The following ZNF239 variants were observed in gnomAD, a reference collection of about 807,000 sequenced individuals.
The protein encoded by ZNF239 is zinc finger protein (C2H2) homologous to mouse MOK-2.
A neutral mutation model predicts 27.5 loss-of-function variants in ZNF239; 16 were observed. That is an observed-to-expected ratio of 0.58 (90% CI 0.39 to 0.88). The LOEUF is 0.88. ZNF239 is among the 40% of genes least tolerant of loss of function. The pLI is 0.00. For missense variants in ZNF239, 527 were observed against 551.9 expected (o/e 0.95, Z 0.45); for synonymous variants, 199 against 192.6 (o/e 1.03, Z -0.27).
intron 2 of ZNF239, chr10:43,568,532 A>G (rs898202227): frequency 2.2e-6 from 2 of 893,024 alleles, no homozygotes; most frequent in Non-Finnish European, 2.7e-6. Context: ...ATCACTTCCT[A>G]TGCTTTCTGT....
intron 3 of ZNF239, among the ~76,000 whole-genome samples, chr10:43,559,401 G>T (rs1435009941): frequency 6.6e-6 from 1 of 152,158 alleles, no homozygotes; most frequent in Non-Finnish European, 1.5e-5. Flanking sequence ...ATCATGTGAT[G>T]ATAAACTAAA....
chr10:43,571,153 A>C (rs1838008572), intron 2 of ZNF239, among the ~76,000 whole-genome samples: 1 of 151,808 alleles, frequency 6.6e-6, no homozygotes, highest in Non-Finnish European at 1.5e-5. Flanking sequence ...GAGGAAGGTC[A>C]CAAGTTCAAT....
chr10:43,559,728 C>A (rs1267632005), intron 3 of ZNF239, among the ~76,000 whole-genome samples: 3 of 151,530 alleles, frequency 2.0e-5, no homozygotes, highest in Admixed American at 1.3e-4. Flanking sequence ...GAGTGAATAG[C>A]CTAATATTAC....
At chr10:43,570,059 A>G (rs925093172) in intron 2 of ZNF239, 46 of 493,112 alleles carry the variant, frequency 9.3e-5, no homozygotes, top group Non-Finnish European at 8.7e-5. Context: ...GAATATATAA[A>G]AAGTCATAAA....
intron 2 of ZNF239, chr10:43,570,383 T>C (rs1390077769): frequency 2.0e-6 from 2 of 985,280 alleles, no homozygotes; most frequent in East Asian, 1.1e-4. Context: ...TAGCAAGGCA[T>C]GACCCATGGC....
Position 43,557,322 on chromosome 10 carries a change from T to C in ZNF239, c.758A>G (p.His253Arg), listed in dbSNP as rs751648972. Residue 253 changes from histidine (H) to arginine (R), a missense_variant, in exon 4 of 4, where the codon CAT (histidine) becomes CGT (arginine). His to Arg is a conservative substitution (Grantham distance 29). Coordinates refer to ENST00000374446, the MANE Select transcript of ZNF239 (RefSeq NM_001099282.2). ...GFTRSSSLLIHQAVHTDEKPY... is the reference protein window; with the variant it reads ...GFTRSSSLLIRQAVHTDEKPY... ...CTTCTCATCTGTGTGGACTGCCTGA[T>C]GGATAAGCAGACTCGAGCTCCTTGT... The C allele has an allele frequency of 4.3e-6, 7 of 1,614,090 alleles. No individual in the cohort carries two copies. The African/African-American group carries it at 8.0e-5, about 18-fold the overall frequency.
chr10:43,573,820 G>T, intron 1 of ZNF239, 143 bp from the exon 2 acceptor site: 1 of 175,376 alleles, frequency 5.7e-6, no homozygotes, highest in Non-Finnish European at 1.1e-5. Flanking sequence ...GAGAGGTGAA[G>T]CATTTTCTGT....
chr10:43,561,135 G>C (rs1200332755), intron 3 of ZNF239, among the ~76,000 whole-genome samples: 2 of 152,046 alleles, frequency 1.3e-5, no homozygotes, highest in Admixed American at 6.6e-5. Flanking sequence ...CAAATAGAAA[G>C]ATAAAAGTAA....
chr10:43,557,684 T>G lies in ZNF239; in HGVS notation c.396A>C (p.Leu132Phe), dbSNP rs1260312133. The change falls in exon 4 of 4, where the codon TTA (leucine) becomes TTC (phenylalanine). Residue 132 changes from leucine to phenylalanine, a missense_variant. Leu to Phe is a conservative substitution (Grantham distance 22, BLOSUM62 0). Coordinates refer to ENST00000374446, the MANE Select transcript of ZNF239 (RefSeq NM_001099282.2). ...CATTCTGGCAAGTTGCCTCACCATTTAACAATGGCGAGGCCAGTTCTTGTC... is the reference window on the plus strand; with the variant it reads ...CATTCTGGCAAGTTGCCTCACCATTGAACAATGGCGAGGCCAGTTCTTGTC... The part of the protein sequence containing the change: ...SDGQELASPL[L>F]NGEATCQNGQ... 1 of 1,614,180 alleles carries G rather than the reference T, an allele frequency of 6.2e-7. No individual in the cohort carries two copies. The highest frequency in any genetic ancestry group is 8.5e-7 in the Non-Finnish European group (1 of 1,180,032).
At chr10:43,570,691 C>T (rs1398409983) in intron 2 of ZNF239, 1 of 929,680 alleles carries the variant, frequency 1.1e-6, no homozygotes, top group East Asian at 1.2e-4. Context: ...TGTGTTACCT[C>T]TTTTCCATTT....
intron 3 of ZNF239, among the ~76,000 whole-genome samples, chr10:43,567,446 T>C (rs1378542346): frequency 2.0e-5 from 3 of 152,098 alleles, no homozygotes; most frequent in Non-Finnish European, 2.9e-5. Flanking sequence ...AGTAAGTGAA[T>C]AGATCAGGTA....
At chr10:43,559,603 T>A (rs886270575) in intron 3 of ZNF239, among the ~76,000 whole-genome samples, 1 of 152,174 alleles carries the variant, frequency 6.6e-6, no homozygotes, top group Non-Finnish European at 1.5e-5. Flanking sequence ...CTGTGAGATA[T>A]ATATAGGTCT....
At position 43,556,758 on chromosome 10, in the gene ZNF239, C is replaced by T. The variant is rs750920115; in HGVS notation, c.1322G>A (p.Ser441Asn). The change falls in exon 4 of 4, where the codon AGC becomes AAC. Residue 441 changes from serine (S) to asparagine (N), a missense_variant. Transcript: ENST00000374446. Reference sequence around the variant, plus strand: ...GTGGATGTGAAGGTTGGAGCTCTGGCTGAAGCCCTTCCCACACTTGCTGCA... The same window carrying T: ...GTGGATGTGAAGGTTGGAGCTCTGGTTGAAGCCCTTCCCACACTTGCTGCA... Reference protein sequence around the residue: ...YECSKCGKGFSQSSNLHIHQR... With the variant: ...YECSKCGKGFNQSSNLHIHQR... 4.3e-6 allele frequency: 7 copies of T among 1,614,136 alleles called. No individual in the cohort carries two copies. Among genetic ancestry groups the T allele is most frequent in the Non-Finnish European group, 1.7e-6 (2 of 1,180,018 alleles).
intron 3 of ZNF239, among the ~76,000 whole-genome samples, chr10:43,559,808 T>C (rs1333111892): frequency 2.0e-5 from 3 of 151,884 alleles, no homozygotes; most frequent in African/African-American, 7.3e-5. Context: ...AATAAAAACA[T>C]TGAGGAACTC....
At chr10:43,565,748 G>A (rs1201463892) in intron 3 of ZNF239, among the ~76,000 whole-genome samples, 4 of 149,018 alleles carry the variant, frequency 2.7e-5, no homozygotes, top group African/African-American at 5.0e-5. Flanking sequence ...CCAGGAGGCG[G>A]AGGTGGCAGT....
Position 43,556,931 on chromosome 10 carries a change from AC to A in ZNF239, c.1148del (p.Gly383ValfsTer78). ...KPYQCYECGK[G>X]FSQSSDLRIH... ...TGCGAAGATCCGAGCTCTGGCTGAA[AC>A]CCTTCCCACACTCATAGCATTGGTA... On this transcript the variant is annotated frameshift_variant, in exon 4 of 4. Coordinates refer to ENST00000374446, the MANE Select transcript of ZNF239 (RefSeq NM_001099282.2). LOFTEE classifies it high-confidence loss of function. The A allele has an allele frequency of 1.2e-6, 2 of 1,604,580 alleles. No homozygotes were observed. Among genetic ancestry groups the A allele is most frequent in the Non-Finnish European group, 8.5e-7 (1 of 1,177,062 alleles).
chr10:43,567,562 A>G (rs1216445762), intron 3 of ZNF239, among the ~76,000 whole-genome samples: 1 of 152,136 alleles, frequency 6.6e-6, no homozygotes, highest in African/African-American at 2.4e-5. Flanking sequence ...TCTGCTGTGG[A>G]TTAGCCTGGC....
chr10:43,571,339 G>C (rs1042123699), intron 2 of ZNF239, among the ~76,000 whole-genome samples: 9 of 150,168 alleles, frequency 6.0e-5, no homozygotes, highest in Admixed American at 5.3e-4. Flanking sequence ...CATTACACTT[G>C]AGTCTAGCAC....
intron 3 of ZNF239, among the ~76,000 whole-genome samples, chr10:43,562,768 G>T (rs1837352566): frequency 6.6e-6 from 1 of 152,110 alleles, no homozygotes; most frequent in African/African-American, 2.4e-5. Flanking sequence ...AATTTCAAAA[G>T]TAATGGCAAA....
Sources: gnomAD v4.1 joint callset for allele counts (sites outside exome capture counted in the v4.1 genomes callset) on GRCh38, gnomAD v4.1.1 for gene constraint, MANE v1.5 for transcripts, NCBI Gene and HGNC (gene_info 2026-07-23, HGNC 2026-07-21) for gene names.